CNTNAP5: variants seen among roughly 807,000 people sequenced by gnomAD.
CNTNAP5 encodes contactin associated protein family member 5, also known as contactin-associated protein-like 5.
A neutral mutation model predicts 150.2 loss-of-function variants in CNTNAP5; 72 were observed. The ratio of observed to expected loss-of-function variants is 0.48; its 90% confidence interval spans 0.40 to 0.58. The LOEUF is 0.58. CNTNAP5 is among the 20% of genes least tolerant of loss of function. CNTNAP5 has a pLI of 0.00. For missense variants in CNTNAP5, 1,636 were observed against 1,626.2 expected, an observed-to-expected ratio of 1.01 and a Z score of -0.10; for synonymous variants, 672 against 619.8, an observed-to-expected ratio of 1.08 and a Z score of -1.25.
chr2:124,411,449 C>A (rs1385030089), intron 3 of CNTNAP5, among the ~76,000 whole-genome samples: 2 of 151,896 alleles, frequency 1.3e-5, no homozygotes, highest in Non-Finnish European at 2.9e-5. Flanking sequence ...AGACCAATAT[C>A]CTTGATGAGC....
At chr2:124,883,416 C>G (rs1268711239) in intron 21 of CNTNAP5, among the ~76,000 whole-genome samples, 1 of 151,924 alleles carries the variant, frequency 6.6e-6, no homozygotes, top group African/African-American at 2.4e-5. Context: ...GCAGAGGTTA[C>G]TTTGGCTTGA....
At chr2:124,053,346 C>T (rs1681758955) in intron 1 of CNTNAP5, among the ~76,000 whole-genome samples, 1 of 136,602 alleles carries the variant, frequency 7.3e-6, no homozygotes, top group East Asian at 2.0e-4. Flanking sequence ...TGTTCTGCTT[C>T]CTTTTTCTGA....
At chr2:124,648,383 G>A (rs1214624240) in intron 13 of CNTNAP5, among the ~76,000 whole-genome samples, 1 of 152,094 alleles carries the variant, frequency 6.6e-6, no homozygotes, top group East Asian at 1.9e-4. Context: ...AGTTATGTCT[G>A]GGGTGGAGGA....
chr2:124,292,107 G>A (rs903744080), intron 3 of CNTNAP5, among the ~76,000 whole-genome samples: 10 of 152,042 alleles, frequency 6.6e-5, no homozygotes, highest in Non-Finnish European at 1.0e-4. Flanking sequence ...GCATGCTACA[G>A]TGCAAAAAAT....
At chr2:124,393,833 A>G in intron 3 of CNTNAP5, among the ~76,000 whole-genome samples, 1 of 152,202 alleles carries the variant, frequency 6.6e-6, no homozygotes, top group Middle Eastern at 3.2e-3. Flanking sequence ...TGGTAAACCA[A>G]GGGGCACATT....
At chr2:124,429,928 A>G (rs1692331827) in intron 4 of CNTNAP5, among the ~76,000 whole-genome samples, 1 of 152,168 alleles carries the variant, frequency 6.6e-6, no homozygotes, top group Non-Finnish European at 1.5e-5. Context: ...GTGGTTCTGG[A>G]TGGCATACCC....
At chr2:124,195,493 G>T (rs946469712) in intron 1 of CNTNAP5, among the ~76,000 whole-genome samples, 1 of 152,172 alleles carries the variant, frequency 6.6e-6, no homozygotes, top group African/African-American at 2.4e-5. Flanking sequence ...ATGCAAATGA[G>T]TGGACATGGC....
intron 3 of CNTNAP5, among the ~76,000 whole-genome samples, chr2:124,342,671 T>G (rs1689646586): frequency 6.6e-6 from 1 of 152,184 alleles, no homozygotes; most frequent in South Asian, 2.1e-4. Context: ...TCACAAATTT[T>G]GGAGGGATCA....
chr2:124,178,507 C>T (rs895715829), intron 1 of CNTNAP5, among the ~76,000 whole-genome samples: 1 of 152,242 alleles, frequency 6.6e-6, no homozygotes, highest in Non-Finnish European at 1.5e-5. Context: ...GTAGTTCCTA[C>T]ATGCTGAGAT....
chr2:124,344,625 G>A (rs1456933996), intron 3 of CNTNAP5, among the ~76,000 whole-genome samples: 1 of 152,060 alleles, frequency 6.6e-6, no homozygotes, highest in Non-Finnish European at 1.5e-5. Context: ...ATGTGATGAT[G>A]TGCACTTGTA....
chr2:124,764,038 C>G lies in CNTNAP5; in HGVS notation c.2424C>G (p.Phe808Leu). Residue 808 changes from phenylalanine (F) to leucine (L), a missense_variant, in exon 16 of 24, where the codon TTC (phenylalanine) becomes TTG (leucine). Transcript: ENST00000682447. ...TEASYLHFPTFHAEFSADISF... is the reference protein window; with the variant it reads ...TEASYLHFPTLHAEFSADISF... ...CCTCTTACCTCCACTTTCCTACCTT[C>G]CATGCGGAATTCAGTGCCGATATTT... 6.2e-7 allele frequency: 1 copy of G among 1,613,280 alleles called. No individual in the cohort carries two copies. The highest frequency in any genetic ancestry group is 8.5e-7 in the Non-Finnish European group (1 of 1,179,374).
chr2:124,161,134 G>C (rs553105980), intron 1 of CNTNAP5, among the ~76,000 whole-genome samples: 2 of 152,236 alleles, frequency 1.3e-5, no homozygotes, highest in Non-Finnish European at 2.9e-5. Context: ...TCTGTGAACT[G>C]AGTGCCTAAT....
rs373819513 is a variant in CNTNAP5, at chr2:124,866,382, C to T, written c.3348+946C>T. 2.9e-4 allele frequency among the ~76,000 whole-genome samples: 44 copies of T among 152,258 alleles called. 1 individual carries two copies. The highest frequency in any genetic ancestry group is 3.4e-3 in the Middle Eastern group (1 of 294). On this transcript the variant is annotated intron_variant, in intron 20 of 23. Transcript: ENST00000682447. ...CTAATGTCTGCTCAGGTTTGCCAAC[C>T]GCTGGGCTGCATTAAAGTGAGGAAG...
chr2:124,841,314 A>G (rs932520057), intron 19 of CNTNAP5, among the ~76,000 whole-genome samples: 5 of 151,922 alleles, frequency 3.3e-5, no homozygotes, highest in Non-Finnish European at 5.9e-5. Context: ...CTCAGCAAGT[A>G]CTTTCTTCTA....
At chr2:124,795,114 G>C (rs2104638412) in intron 18 of CNTNAP5, among the ~76,000 whole-genome samples, 1 of 152,236 alleles carries the variant, frequency 6.6e-6, no homozygotes, top group Non-Finnish European at 1.5e-5. Context: ...ACCAGCTACT[G>C]TTCATTGAGT....
At chr2:124,533,966 T>C (rs980182829) in intron 10 of CNTNAP5, among the ~76,000 whole-genome samples, 1 of 152,044 alleles carries the variant, frequency 6.6e-6, no homozygotes, top group African/African-American at 2.4e-5. Flanking sequence ...ATAATAGGAG[T>C]GACTCCACCT....
At chr2:124,143,584 T>G (rs1394429493) in intron 1 of CNTNAP5, among the ~76,000 whole-genome samples, 1 of 47,336 alleles carries the variant, frequency 2.1e-5, no homozygotes, top group Non-Finnish European at 4.1e-5. Flanking sequence ...TTTGACAAAA[T>G]TCAACAACCC....
intron 19 of CNTNAP5, among the ~76,000 whole-genome samples, chr2:124,816,743 G>T (rs910792173): frequency 6.6e-6 from 1 of 152,058 alleles, no homozygotes; most frequent in South Asian, 2.1e-4. Flanking sequence ...CTCCCAAAGT[G>T]CCAGGATTAC....
At chr2:124,706,880 A>AAGAAGAAGAAGAGGAAGAAGGAGAAGG (rs1679666301) in intron 13 of CNTNAP5, among the ~76,000 whole-genome samples, 1 of 46,040 alleles carries the variant, frequency 2.2e-5, no homozygotes, top group South Asian at 1.0e-3. Context: ...GAAAGGGAAG[A>AAGAAGAAGAAGAGGAAGAAGGAGAAGG]AGAAGAGGAA....
Sources: gnomAD v4.1 joint callset for allele counts (sites outside exome capture counted in the v4.1 genomes callset) on GRCh38, gnomAD v4.1.1 for gene constraint, MANE v1.5 for transcripts, NCBI Gene and HGNC (gene_info 2026-07-23, HGNC 2026-07-21) for gene names.